Variants in NXPH1 observed in about 807,000 individuals in gnomAD.
The protein encoded by NXPH1 is neurexophilin-1.
NXPH1 carries 5 observed loss-of-function variants against 23.7 expected under a neutral mutation model. The observed-to-expected ratio is 0.21, with a 90% CI of 0.11 to 0.44. The LOEUF (loss-of-function observed/expected upper bound fraction) is 0.44. Ranked by LOEUF, NXPH1 falls within the 20% of genes least tolerant of loss-of-function variation. The pLI, the probability that NXPH1 is intolerant of heterozygous loss-of-function variation, is 0.99. For missense variants in NXPH1, 324 were observed against 321.6 expected (o/e 1.01, Z -0.06); for synonymous variants, 144 against 122.2 (o/e 1.18, Z -1.18).
intron 2 of NXPH1, among the ~76,000 whole-genome samples, chr7:8,566,586 C>T (rs570002214): frequency 6.6e-6 from 1 of 151,934 alleles, no homozygotes; most frequent in South Asian, 2.1e-4. Context: ...CTGGGACACT[C>T]TTCTCCTGCC....
intron 2 of NXPH1, among the ~76,000 whole-genome samples, chr7:8,481,766 G>T (rs1381042448): frequency 6.6e-6 from 1 of 152,108 alleles, no homozygotes; most frequent in Non-Finnish European, 1.5e-5. Flanking sequence ...GGGTATGAAT[G>T]ATCCCATTTC....
At chr7:8,673,367 A>G (rs1318162970) in intron 2 of NXPH1, among the ~76,000 whole-genome samples, 20 of 152,172 alleles carry the variant, frequency 1.3e-4, no homozygotes. Flanking sequence ...TAAGTTGAGG[A>G]TGGATACCTC....
chr7:8,674,449 G>A (rs976008907), intron 2 of NXPH1, among the ~76,000 whole-genome samples: 11 of 152,036 alleles, frequency 7.2e-5, no homozygotes, highest in East Asian at 1.9e-4. Context: ...TTCAGAAAAC[G>A]TACCGTATTT....
At chr7:8,493,498 G>C (rs151200706) in intron 2 of NXPH1, among the ~76,000 whole-genome samples, 285 of 152,140 alleles carry the variant, frequency 1.9e-3, no homozygotes, top group Middle Eastern at 0.014. Context: ...AGAACATTTT[G>C]TCCTGCTAGA....
intron 2 of NXPH1, among the ~76,000 whole-genome samples, chr7:8,592,706 T>C (rs1192604580): frequency 6.6e-6 from 1 of 152,060 alleles, no homozygotes; most frequent in African/African-American, 2.4e-5. Context: ...TTTGCTGTTT[T>C]AGTACAAAAG....
chr7:8,751,754 CT>C lies in NXPH1; in HGVS notation c.804del (p.Ser270ArgfsTer13). The part of the protein sequence containing the change: ...DYNYHSDTPY[F>X]PSG ...ACAACTACCACAGTGACACACCTTA[CT>C]TTCCCTCGGGATGAAGGTGAACATG... On this transcript the variant is annotated frameshift_variant, in exon 3 of 3. Transcript: ENST00000405863. LOFTEE classifies it high-confidence loss of function. This position sits in a 1 kb window ranked among gnomAD's most constrained non-coding sequence, Gnocchi z 4.5. 6.2e-7 allele frequency: 1 copy of C among 1,609,738 alleles called. No homozygotes were observed. Among genetic ancestry groups the C allele is most frequent in the African/African-American group, 1.3e-5 (1 of 74,958 alleles).
chr7:8,671,067 C>A (rs1023402991), intron 2 of NXPH1, among the ~76,000 whole-genome samples: 2 of 152,178 alleles, frequency 1.3e-5, no homozygotes, highest in Admixed American at 1.3e-4. Context: ...TCCACAGATA[C>A]ATACCATTCA....
chr7:8,723,003 G>A (rs1231985610), intron 2 of NXPH1, among the ~76,000 whole-genome samples: 1 of 152,134 alleles, frequency 6.6e-6, no homozygotes, highest in Admixed American at 6.5e-5. Flanking sequence ...GTAGAGTCAA[G>A]CCAAAAATGC....
At chr7:8,496,802 A>C (rs1361993853) in intron 2 of NXPH1, among the ~76,000 whole-genome samples, 2 of 152,094 alleles carry the variant, frequency 1.3e-5, no homozygotes, top group Non-Finnish European at 2.9e-5. Flanking sequence ...TTATGCTCAG[A>C]TATATCTATT....
At chr7:8,691,644 C>T (rs1452723829) in intron 2 of NXPH1, among the ~76,000 whole-genome samples, 2 of 152,082 alleles carry the variant, frequency 1.3e-5, no homozygotes, top group Non-Finnish European at 2.9e-5. Flanking sequence ...AAAGGTAAAG[C>T]AAATATTTGC....
At chr7:8,633,362 A>G (rs1020860493) in intron 2 of NXPH1, among the ~76,000 whole-genome samples, 4 of 152,196 alleles carry the variant, frequency 2.6e-5, no homozygotes, top group African/African-American at 9.6e-5. Flanking sequence ...CAGGAGGCGG[A>G]GATTGCAGTG....
intron 2 of NXPH1, among the ~76,000 whole-genome samples, chr7:8,452,469 A>C (rs1816523609): frequency 6.6e-6 from 1 of 152,168 alleles, no homozygotes; most frequent in Non-Finnish European, 1.5e-5. Context: ...ATAGGCTAGA[A>C]TCTCATTGAC....
chr7:8,702,667 A>G (rs992899186), intron 2 of NXPH1, among the ~76,000 whole-genome samples: 4 of 152,154 alleles, frequency 2.6e-5, no homozygotes, highest in Non-Finnish European at 4.4e-5. Flanking sequence ...TTATAATTAT[A>G]TAGTTCTTTA....
At chr7:8,450,277 T>G (rs1270160701) in intron 2 of NXPH1, among the ~76,000 whole-genome samples, 3 of 152,208 alleles carry the variant, frequency 2.0e-5, no homozygotes, top group Non-Finnish European at 4.4e-5. Flanking sequence ...TAATGAGTCC[T>G]GCCATGCTGA....
At chr7:8,491,291 G>A (rs1263007607) in intron 2 of NXPH1, among the ~76,000 whole-genome samples, 2 of 151,972 alleles carry the variant, frequency 1.3e-5, no homozygotes, top group Non-Finnish European at 2.9e-5. Flanking sequence ...CTGACAGATG[G>A]TTTCAGTGTT....
At chr7:8,588,923 T>A (rs1441009019) in intron 2 of NXPH1, among the ~76,000 whole-genome samples, 4 of 152,176 alleles carry the variant, frequency 2.6e-5, no homozygotes, top group African/African-American at 9.6e-5. Context: ...TTTATTTACA[T>A]GCATGCTGTA....
intron 2 of NXPH1, among the ~76,000 whole-genome samples, chr7:8,583,726 A>G (rs1818926897): frequency 6.6e-6 from 1 of 152,144 alleles, no homozygotes; most frequent in African/African-American, 2.4e-5. Context: ...GTTCACAGAC[A>G]TTTGCCAGGT....
At chr7:8,631,593 G>T (rs1018642536) in intron 2 of NXPH1, among the ~76,000 whole-genome samples, 31 of 152,138 alleles carry the variant, frequency 2.0e-4, no homozygotes, top group Non-Finnish European at 4.3e-4. Context: ...AATAGGATTA[G>T]CACTTTTCAA....
In NXPH1 at chr7:8,553,552, C is replaced by G. The variant is rs375278073; in HGVS notation, c.54+117785C>G. 3.6e-4 allele frequency among the ~76,000 whole-genome samples: 54 copies of G among 151,582 alleles called. No individual in the cohort carries two copies. The South Asian group carries it at 0.011, about 31-fold the overall frequency. On this transcript the variant is annotated intron_variant, in intron 2 of 2. Coordinates refer to ENST00000405863, the MANE Select transcript of NXPH1 (RefSeq NM_152745.3). ...ATGAGGAAGATACCCAGGTTTTAGCCTTAATTCAGAATGGGTCTTAAAGGA... is the reference window on the plus strand; with the variant it reads ...ATGAGGAAGATACCCAGGTTTTAGCGTTAATTCAGAATGGGTCTTAAAGGA...
Sources: allele counts gnomAD v4.1 joint callset (sites outside exome capture counted in the v4.1 genomes callset), GRCh38; gene constraint gnomAD v4.1.1; non-coding constraint Gnocchi (gnomAD v3.1); transcripts MANE v1.5; gene names NCBI Gene and HGNC (gene_info 2026-07-23, HGNC 2026-07-21).